The following UBTD1 variants were observed in gnomAD, a reference collection of about 807,000 sequenced individuals.
UBTD1 encodes the protein ubiquitin domain containing 1.
UBTD1 carries 19 observed loss-of-function variants against 21.7 expected under a neutral mutation model. The observed-to-expected ratio is 0.87, with a 90% CI of 0.61 to 1.28. The LOEUF is 1.28. Ranked by LOEUF, UBTD1 falls within the 50% of genes most tolerant of loss-of-function variation. The probability of loss-of-function intolerance (pLI) is 0.00; values close to 1 mark genes in which losing one functional copy is unlikely to be tolerated. For synonymous variants in UBTD1, 116 were observed against 135.1 expected (o/e 0.86, Z 0.98); for missense variants, 282 against 315.1 (o/e 0.89, Z 0.80).
intron 1 of UBTD1, among the ~76,000 whole-genome samples, chr10:97,516,890 TGC>T (rs1440826228): frequency 1.3e-5 from 2 of 151,378 alleles, no homozygotes; most frequent in Non-Finnish European, 2.9e-5. Flanking sequence ...AAAGCCAGGG[TGC>T]AGGGAGGGGA....
At chr10:97,520,605 T>C (rs1051466620) in intron 1 of UBTD1, among the ~76,000 whole-genome samples, 1 of 152,138 alleles carries the variant, frequency 6.6e-6, no homozygotes, top group African/African-American at 2.4e-5. Context: ...AAGCCTTCCC[T>C]GAAAAAGAGA....
rs1589867138 is a variant in UBTD1, at chr10:97,507,916, A to AGG, written c.70+8643_70+8644insGG. On this transcript the variant is annotated intron_variant, in intron 1 of 2. Coordinates refer to ENST00000370664, the MANE Select transcript of UBTD1 (RefSeq NM_024954.5). ...GTTTTTCCTCTGGAAGTCTTGGGACAAGGAGCAAAGGGTGAATGGTGCCTA... is the reference window on the plus strand; with the variant it reads ...GTTTTTCCTCTGGAAGTCTTGGGACAGGAGGAGCAAAGGGTGAATGGTGCCTA... 2.0e-5 allele frequency among the ~76,000 whole-genome samples: 3 copies of AGG among 151,970 alleles called. No homozygotes were observed. In the East Asian group the frequency reaches 5.8e-4, roughly 29 times the overall value.
rs749892377 is a variant in UBTD1, at chr10:97,570,484, C to T, written c.645C>T (p.Ile215=). ...QETKIQKDFV[I]QVIINQPPPP... ...CCAAGATCCAGAAAGATTTTGTCAT[C>T]CAGGTCATCATCAACCAGCCCCCAC... Residue 215 remains isoleucine (I), a synonymous_variant, in exon 3 of 3, where the codon ATC becomes ATT. Transcript: ENST00000370664. The surrounding 1 kb of genome is among the most constrained non-coding windows in gnomAD (Gnocchi z 6.6). The T allele has an allele frequency of 2.5e-6, 4 of 1,611,090 alleles. No homozygotes were observed. The South Asian group carries it at 4.4e-5, about 18-fold the overall frequency.
At chr10:97,535,491 T>C (rs1488705705) in intron 1 of UBTD1, among the ~76,000 whole-genome samples, 1 of 152,154 alleles carries the variant, frequency 6.6e-6, no homozygotes, top group Non-Finnish European at 1.5e-5. Context: ...GGCATGTGCC[T>C]GTAGTCCCAG....
chr10:97,554,923 G>A (rs1589881899), intron 1 of UBTD1, among the ~76,000 whole-genome samples: 1 of 152,280 alleles, frequency 6.6e-6, no homozygotes, highest in South Asian at 2.1e-4. Flanking sequence ...TTTGTAGACA[G>A]TGCTGACAGC....
Position 97,550,734 on chromosome 10 carries a change from AAC to A in UBTD1, c.71-17169_71-17168del, listed in dbSNP as rs147265696. The stretch of plus-strand genomic sequence containing the variant: ...CAGTGTGAATTGAGTGGTGGGAGTA[AAC>A]ACACACACACGCATACACACTCACA... On this transcript the variant is annotated intron_variant, in intron 1 of 2. Coordinates refer to ENST00000370664, the MANE Select transcript of UBTD1 (RefSeq NM_024954.5). 3.8e-3 allele frequency among the ~76,000 whole-genome samples: 573 copies of A among 152,070 alleles called. 7 individuals are homozygous for A. The highest frequency in any genetic ancestry group is 0.013 in the African/African-American group (539 of 41,464).
intron 1 of UBTD1, among the ~76,000 whole-genome samples, chr10:97,502,457 T>C (rs750014953): frequency 2.0e-5 from 3 of 152,192 alleles, no homozygotes; most frequent in Non-Finnish European, 4.4e-5. Flanking sequence ...TTGGCACTAA[T>C]GTAATGGGAA....
intron 1 of UBTD1, among the ~76,000 whole-genome samples, chr10:97,550,654 CA>C (rs969813501): frequency 1.3e-5 from 2 of 152,120 alleles, no homozygotes; most frequent in African/African-American, 2.4e-5. Flanking sequence ...TAGGGTCTGC[CA>C]TCCTTCCTTG....
intron 1 of UBTD1, among the ~76,000 whole-genome samples, chr10:97,529,255 G>T (rs1341607450): frequency 6.6e-6 from 1 of 151,470 alleles, no homozygotes; most frequent in African/African-American, 2.4e-5. Flanking sequence ...TGGCGGCCGG[G>T]CAGAGACGCT....
At chr10:97,539,498 G>A (rs538129691) in intron 1 of UBTD1, among the ~76,000 whole-genome samples, 1 of 152,194 alleles carries the variant, frequency 6.6e-6, no homozygotes, top group African/African-American at 2.4e-5. Context: ...GGGAGGCTAA[G>A]GTAGGAGGAT....
intron 1 of UBTD1, among the ~76,000 whole-genome samples, chr10:97,535,051 A>G (rs1320817081): frequency 6.6e-6 from 1 of 152,110 alleles, no homozygotes; most frequent in African/African-American, 2.4e-5. Context: ...CAGTGCAGAA[A>G]TCTCACCTGG....
At chr10:97,558,399 G>A (rs1328239337) in intron 1 of UBTD1, among the ~76,000 whole-genome samples, 1 of 152,180 alleles carries the variant, frequency 6.6e-6, no homozygotes, top group African/African-American at 2.4e-5. Flanking sequence ...CATACTTTAG[G>A]TTTTGCTTAA....
chr10:97,554,499 G>A (rs1475472086), intron 1 of UBTD1, among the ~76,000 whole-genome samples: 1 of 151,704 alleles, frequency 6.6e-6, no homozygotes, highest in Non-Finnish European at 1.5e-5. Flanking sequence ...CACCTGCCTC[G>A]GCCTCCCAAA....
chr10:97,555,516 A>G (rs2040659860), intron 1 of UBTD1, among the ~76,000 whole-genome samples: 1 of 152,178 alleles, frequency 6.6e-6, no homozygotes, highest in Non-Finnish European at 1.5e-5. Context: ...TTGTAGAAGG[A>G]AGGGCTTTAT....
chr10:97,503,990 T>A (rs1246968472), intron 1 of UBTD1, among the ~76,000 whole-genome samples: 2 of 152,028 alleles, frequency 1.3e-5, no homozygotes, highest in African/African-American at 4.8e-5. Flanking sequence ...CCCCATCCCA[T>A]CCCTGTACCT....
chr10:97,514,417 G>C, intron 1 of UBTD1, among the ~76,000 whole-genome samples: 1 of 152,102 alleles, frequency 6.6e-6, no homozygotes, highest in African/African-American at 2.4e-5. Flanking sequence ...AGTTTCTTAA[G>C]CATTTCTCCT....
intron 1 of UBTD1, among the ~76,000 whole-genome samples, chr10:97,499,858 G>A (rs915439156): frequency 2.0e-5 from 3 of 152,190 alleles, no homozygotes; most frequent in African/African-American, 7.2e-5. Context: ...TGCGGGGTGA[G>A]AGTCACCCTT....
In UBTD1 at chr10:97,570,574, A is replaced by G; in HGVS notation, c.*51A>G. ...GCCCCGCCTGGAGCACTAGGCCCCC[A>G]CCCTGCTGCTGCCTTCCAGTGCTGT... On this transcript the variant is annotated 3_prime_UTR_variant, in exon 3 of 3. Transcript: ENST00000370664. This position sits in a 1 kb window ranked among gnomAD's most constrained non-coding sequence, Gnocchi z 6.6. 14 of 1,537,262 alleles carry G rather than the reference A, an allele frequency of 9.1e-6. No homozygotes were observed. The highest frequency in any genetic ancestry group is 1.2e-5 in the South Asian group (1 of 81,302).
At chr10:97,539,449 G>T (rs558718995) in intron 1 of UBTD1, among the ~76,000 whole-genome samples, 1 of 152,130 alleles carries the variant, frequency 6.6e-6, no homozygotes, top group African/African-American at 2.4e-5. Context: ...TTAAAAATTA[G>T]CTGGGTGTGG....
Sources: gnomAD v4.1 joint callset for allele counts (sites outside exome capture counted in the v4.1 genomes callset) on GRCh38, gnomAD v4.1.1 for gene constraint, Gnocchi (gnomAD v3.1) non-coding constraint, MANE v1.5 for transcripts, NCBI Gene and HGNC (gene_info 2026-07-23, HGNC 2026-07-21) for gene names.